MARCHF3: variants seen among roughly 807,000 people sequenced by gnomAD.
The protein encoded by MARCHF3 is membrane associated ring-CH-type finger 3.
MARCHF3 carries 13 observed loss-of-function variants against 24.2 expected under a neutral mutation model. The observed-to-expected ratio is 0.54, with a 90% CI of 0.35 to 0.85. The LOEUF is 0.85. Among genes scored for constraint, MARCHF3 ranks in the 40% least tolerant of loss-of-function variants. The probability of loss-of-function intolerance (pLI) is 0.01; values close to 1 mark genes in which losing one functional copy is unlikely to be tolerated. For synonymous variants in MARCHF3, 144 were observed against 137.3 expected (o/e 1.05, Z -0.34); for missense variants, 276 against 325.0 (o/e 0.85, Z 1.16).
At chr5:126,914,467 A>G (rs1199154217) in intron 3 of MARCHF3, among the ~76,000 whole-genome samples, 1 of 152,160 alleles carries the variant, frequency 6.6e-6, no homozygotes, top group Non-Finnish European at 1.5e-5. Flanking sequence ...CACAGAACCC[A>G]GGACATCTGG....
intron 1 of MARCHF3, among the ~76,000 whole-genome samples, chr5:126,953,526 A>G (rs1351395069): frequency 6.6e-6 from 1 of 152,182 alleles, no homozygotes; most frequent in Non-Finnish European, 1.5e-5. Context: ...GAATGGCTCA[A>G]TGGTACGTAA....
At chr5:126,930,510 C>G (rs79725930) in intron 1 of MARCHF3, among the ~76,000 whole-genome samples, 2,117 of 152,334 alleles carry the variant, frequency 0.014, 18 homozygotes, top group Middle Eastern at 0.027. Flanking sequence ...ACTAATGCCT[C>G]TGTAGACTGA....
At chr5:126,899,949 G>C (rs991439188) in intron 3 of MARCHF3, among the ~76,000 whole-genome samples, 3 of 151,938 alleles carry the variant, frequency 2.0e-5, no homozygotes, top group African/African-American at 4.8e-5. Flanking sequence ...CCTTACATTA[G>C]AGTTAACTCT....
rs192354191 is a variant in MARCHF3, at chr5:126,938,216, G to C, written c.-56-19989C>G. 2.1e-5 allele frequency among the ~76,000 whole-genome samples: 3 copies of C among 145,138 alleles called. No homozygotes were observed. In the South Asian group the frequency reaches 6.5e-4, roughly 31 times the overall value. On this transcript the variant is annotated intron_variant, in intron 1 of 4. Coordinates refer to ENST00000308660, the MANE Select transcript of MARCHF3 (RefSeq NM_178450.5). The stretch of plus-strand genomic sequence containing the variant: ...ACAGTCTTGCTCTGCCGCCCAGGCT[G>C]GGGTACAGAGGCTCAATCTTGGCTC...
At chr5:126,991,013 A>T (rs1751740147) in intron 1 of MARCHF3, among the ~76,000 whole-genome samples, 2 of 152,234 alleles carry the variant, frequency 1.3e-5, no homozygotes, top group Admixed American at 1.3e-4. Flanking sequence ...ATCTAGAACT[A>T]GAAATAGCAT....
At chr5:126,899,986 T>A (rs971242215) in intron 3 of MARCHF3, among the ~76,000 whole-genome samples, 2 of 152,102 alleles carry the variant, frequency 1.3e-5, no homozygotes, top group Admixed American at 6.6e-5. Flanking sequence ...TGGGTTTTGA[T>A]ATAATGACAT....
intron 1 of MARCHF3, among the ~76,000 whole-genome samples, chr5:126,962,954 T>C (rs1750690230): frequency 6.6e-6 from 1 of 152,094 alleles, no homozygotes; most frequent in Non-Finnish European, 1.5e-5. Context: ...AATGATTTTT[T>C]CATGAGAAAG....
chr5:126,910,490 C>T (rs544120052), intron 3 of MARCHF3, among the ~76,000 whole-genome samples: 2 of 152,330 alleles, frequency 1.3e-5, no homozygotes, highest in Non-Finnish European at 2.9e-5. Flanking sequence ...AAGTCAGGGA[C>T]CCTGAACGGA....
At chr5:126,954,025 C>G (rs1324390567) in intron 1 of MARCHF3, among the ~76,000 whole-genome samples, 1 of 151,668 alleles carries the variant, frequency 6.6e-6, no homozygotes, top group Non-Finnish European at 1.5e-5. Flanking sequence ...ATGTAGTAAC[C>G]TCTTCTAATT....
rs1483492384 is a variant in MARCHF3 at position 127,015,531 on chromosome 5, C to T, written c.-57+14819G>A. On this transcript the variant is annotated intron_variant, in intron 1 of 4. Transcript: ENST00000308660. Reference sequence around the variant, plus strand: ...ACAGGGAAAGAAAAAAACACAAAAGCACACACTTTAGTGGAGAAGGTCCCA... The same window carrying T: ...ACAGGGAAAGAAAAAAACACAAAAGTACACACTTTAGTGGAGAAGGTCCCA... Among the ~76,000 whole-genome samples the T allele has an allele frequency of 6.6e-5, 10 of 152,182 alleles. No individual in the cohort carries two copies. In the East Asian group the frequency reaches 1.9e-3, roughly 29 times the overall value.
intron 1 of MARCHF3, chr5:127,029,999 G>C (rs980345871): frequency 1.3e-5 from 2 of 152,164 alleles, no homozygotes; most frequent in African/African-American, 4.8e-5. Flanking sequence ...GCACAGCGCG[G>C]GTAATTTTTC....
chr5:126,910,071 A>C (rs1259116734), intron 3 of MARCHF3, among the ~76,000 whole-genome samples: 1 of 152,186 alleles, frequency 6.6e-6, no homozygotes. Flanking sequence ...GGAATACGGA[A>C]ACTTAATCAC....
intron 1 of MARCHF3, among the ~76,000 whole-genome samples, chr5:126,931,666 C>T (rs1378874996): frequency 6.6e-6 from 1 of 151,566 alleles, no homozygotes; most frequent in Admixed American, 6.6e-5. Context: ...TCTCATCATC[C>T]TAGACTTGAC....
intron 1 of MARCHF3, among the ~76,000 whole-genome samples, chr5:126,977,415 C>T (rs1350229037): frequency 6.6e-6 from 1 of 152,170 alleles, no homozygotes; most frequent in Non-Finnish European, 1.5e-5. Flanking sequence ...TTTTTCACTT[C>T]TACCCCCAAC....
intron 1 of MARCHF3, among the ~76,000 whole-genome samples, chr5:126,931,109 T>C (rs1311127522): frequency 6.6e-6 from 1 of 152,216 alleles, no homozygotes; most frequent in African/African-American, 2.4e-5. Flanking sequence ...AGGGGTGGAC[T>C]CTGAGGAGAT....
intron 1 of MARCHF3, chr5:126,946,369 CAAAAAAAAAAA>C (rs951644505): frequency 1.5e-5 from 1 of 65,762 alleles, no homozygotes; most frequent in African/African-American, 6.4e-5. Context: ...GAGATTCTGT[CAAAAAAAAAAA>C]AAAAAAAAAA....
chr5:126,982,020 T>C (rs552474637), intron 1 of MARCHF3, among the ~76,000 whole-genome samples: 1 of 152,328 alleles, frequency 6.6e-6, no homozygotes, highest in Admixed American at 6.5e-5. Flanking sequence ...CTTGATAGAT[T>C]GTGCCTTTCT....
At chr5:126,935,891 A>T (rs933113336) in intron 1 of MARCHF3, among the ~76,000 whole-genome samples, 1 of 152,098 alleles carries the variant, frequency 6.6e-6, no homozygotes, top group Non-Finnish European at 1.5e-5. Context: ...GATTACAGGC[A>T]TGAGCCACCA....
intron 1 of MARCHF3, among the ~76,000 whole-genome samples, chr5:126,952,843 A>G (rs1750300198): frequency 6.6e-6 from 1 of 152,204 alleles, no homozygotes; most frequent in Non-Finnish European, 1.5e-5. Context: ...CTTAAGGTTT[A>G]TAACGCGAAT....
Sources: allele counts gnomAD v4.1 joint callset (sites outside exome capture counted in the v4.1 genomes callset), GRCh38; gene constraint gnomAD v4.1.1; transcripts MANE v1.5; gene names NCBI Gene and HGNC (gene_info 2026-07-23, HGNC 2026-07-21).